Variants in AKR1C8 observed in about 807,000 individuals in gnomAD.
AKR1C8 encodes the protein aldo-keto reductase family 1 member C-like protein 1.
At chr10:5,154,423 C>A in the AKR1C8 span, 13,773 of 241,144 alleles carry the variant, frequency 0.057, 508 homozygotes, top group Middle Eastern at 0.089. Context: ...ATTAAAATTA[C>A]TGTTTGTTTT....
the AKR1C8 span, chr10:5,159,959 A>C: frequency 5.4e-6 from 2 of 372,806 alleles, no homozygotes; most frequent in South Asian, 3.8e-5. Flanking sequence ...GAAATTGGAC[A>C]CCCCAATGGA....
the AKR1C8 span, among the ~76,000 whole-genome samples, chr10:5,149,699 A>G: frequency 4.6e-5 from 7 of 152,030 alleles, no homozygotes; most frequent in Non-Finnish European, 8.8e-5. Flanking sequence ...TCTCAAAGTA[A>G]TCTGTTCATT....
At chr10:5,130,584 G>A in the AKR1C8 span, among the ~76,000 whole-genome samples, 5 of 151,802 alleles carry the variant, frequency 3.3e-5, no homozygotes, top group Admixed American at 6.6e-5. Context: ...AAAGTATCAG[G>A]TTACAAAATC....
At chr10:5,180,913 G>C in the AKR1C8 span, among the ~76,000 whole-genome samples, 9,315 of 152,266 alleles carry the variant, frequency 0.061, 346 homozygotes, top group Middle Eastern at 0.085. Flanking sequence ...ACTAGGAAAG[G>C]GAACTCCCTG....
the AKR1C8 span, among the ~76,000 whole-genome samples, chr10:5,118,685 G>A: frequency 1.3e-5 from 2 of 152,210 alleles, no homozygotes; most frequent in East Asian, 3.9e-4. Flanking sequence ...CCTTTATTTG[G>A]GGCATTGTTT....
chr10:5,176,389 T>C, the AKR1C8 span, among the ~76,000 whole-genome samples: 1 of 144,644 alleles, frequency 6.9e-6, no homozygotes, highest in Non-Finnish European at 1.5e-5. Context: ...AGCCTTGTAG[T>C]ATAGTTTGAA....
chr10:5,148,022 G>C, the AKR1C8 span, among the ~76,000 whole-genome samples: 15 of 152,162 alleles, frequency 9.9e-5, no homozygotes, highest in Non-Finnish European at 2.1e-4. Flanking sequence ...TATCAGGTTT[G>C]AAACTCCCCT....
chr10:5,120,794 A>C, the AKR1C8 span, among the ~76,000 whole-genome samples: 64 of 152,216 alleles, frequency 4.2e-4, no homozygotes, highest in African/African-American at 1.4e-3. Flanking sequence ...TATTCTCATA[A>C]TTAAAATTTT....
the AKR1C8 span, among the ~76,000 whole-genome samples, chr10:5,172,545 A>C: frequency 6.6e-6 from 1 of 152,230 alleles, no homozygotes; most frequent in Non-Finnish European, 1.5e-5. Context: ...ATTAAAAATT[A>C]CACAAGCAAA....
the AKR1C8 span, among the ~76,000 whole-genome samples, chr10:5,141,973 A>G: frequency 2.0e-5 from 3 of 152,048 alleles, no homozygotes; most frequent in African/African-American, 7.2e-5. Flanking sequence ...CCTAGATGGC[A>G]CCTTTTTTGG....
chr10:5,143,266 T>C, the AKR1C8 span, among the ~76,000 whole-genome samples: 3 of 152,152 alleles, frequency 2.0e-5, no homozygotes, highest in Non-Finnish European at 4.4e-5. Flanking sequence ...TCACCCATCT[T>C]CTACCCGTGG....
chr10:5,134,040 G>A, the AKR1C8 span, among the ~76,000 whole-genome samples: 1 of 152,064 alleles, frequency 6.6e-6, no homozygotes, highest in Non-Finnish European at 1.5e-5. Context: ...AGATTTGAAA[G>A]GTACATTTTT....
chr10:5,181,896 CTCAAATACAAGT>C, the AKR1C8 span, among the ~76,000 whole-genome samples: 2 of 152,088 alleles, frequency 1.3e-5, no homozygotes, highest in Non-Finnish European at 2.9e-5. Context: ...AACAAACACT[CTCAAATACAAGT>C]TTCTAATAAA....
At chr10:5,153,901 G>A in the AKR1C8 span, among the ~76,000 whole-genome samples, 3 of 152,154 alleles carry the variant, frequency 2.0e-5, no homozygotes, top group African/African-American at 7.2e-5. Flanking sequence ...TAAGTATTCT[G>A]TAAGGAAAGA....
the AKR1C8 span, among the ~76,000 whole-genome samples, chr10:5,170,364 A>G: frequency 6.6e-6 from 1 of 152,144 alleles, no homozygotes; most frequent in Non-Finnish European, 1.5e-5. Context: ...CATTTTTATT[A>G]AAAGACAGAT....
At chr10:5,184,574 A>T in the AKR1C8 span, among the ~76,000 whole-genome samples, 1 of 152,094 alleles carries the variant, frequency 6.6e-6, no homozygotes, top group Non-Finnish European at 1.5e-5. Context: ...TCACATTTCT[A>T]ACCAAGAGTA....
the AKR1C8 span, among the ~76,000 whole-genome samples, chr10:5,126,323 A>C: frequency 6.6e-6 from 1 of 152,096 alleles, no homozygotes; most frequent in Non-Finnish European, 1.5e-5. Context: ...GGCAGTCACA[A>C]TTTCTCCCTA....
the AKR1C8 span, among the ~76,000 whole-genome samples, chr10:5,119,538 T>G: frequency 6.6e-6 from 1 of 152,218 alleles, no homozygotes; most frequent in African/African-American, 2.4e-5. Flanking sequence ...TTCTCTATCT[T>G]TTCTATTTTC....
the AKR1C8 span, among the ~76,000 whole-genome samples, chr10:5,175,420 G>C: frequency 2.2e-4 from 34 of 152,084 alleles, 1 homozygote; most frequent in Non-Finnish European, 8.8e-5. Flanking sequence ...GTTGTGAATA[G>C]TGCTGCAATA....
Sources: allele counts gnomAD v4.1 joint callset (sites outside exome capture counted in the v4.1 genomes callset), GRCh38; gene constraint gnomAD v4.1.1; transcripts MANE v1.5; gene names NCBI Gene and HGNC (gene_info 2026-07-23, HGNC 2026-07-21).